The following MVB12A variants were observed in gnomAD, a reference collection of about 807,000 sequenced individuals.
The protein encoded by MVB12A is CIN85/CD2AP family binding protein.
Under a neutral mutation model 34.3 loss-of-function variants are expected in MVB12A, and 30 were observed. The ratio of observed to expected loss-of-function variants is 0.88; its 90% CI spans 0.65 to 1.19. MVB12A has a LOEUF of 1.19. MVB12A is among the 50% of genes most tolerant of loss of function. The pLI is 0.00. For synonymous variants in MVB12A, 158 were observed against 158.9 expected (o/e 0.99, Z 0.04); for missense variants, 355 against 369.2 (o/e 0.96, Z 0.31).
chr19:17,419,682 A>G (rs1054969592), upstream of MVB12A: 2 of 152,802 alleles, frequency 1.3e-5, no homozygotes, highest in South Asian at 4.1e-4. Flanking sequence ...TCCGCCTCCC[A>G]AAGTGCCGGG....
At chr19:17,421,179 AC>A (rs1305453313) in intron 3 of MVB12A, 2 of 241,024 alleles carry the variant, frequency 8.3e-6, no homozygotes, top group African/African-American at 7.0e-5. Context: ...GAGTTGGCAA[AC>A]CTTTTTTTTT....
At chr19:17,422,210 C>A in intron 3 of MVB12A, 122 bp from the exon 4 acceptor site, 1 of 834,214 alleles carries the variant, frequency 1.2e-6, no homozygotes, top group Non-Finnish European at 1.9e-6. Context: ...CACCCCCATC[C>A]CCAATGTTGT....
At chr19:17,423,460 C>G (rs755203882) in intron 4 of MVB12A, 38 bp from the exon 5 acceptor site, 4 of 1,602,424 alleles carry the variant, frequency 2.5e-6, no homozygotes, top group African/African-American at 2.7e-5. Context: ...TGGCCCCACA[C>G]CGGGCCAGCA....
rs373127253 is a variant in MVB12A, at chr19:17,410,497, CAT to C, written c.-5+4233_-5+4234del. Among the ~76,000 whole-genome samples, 186 of 77,604 alleles carry C rather than the reference CAT, an allele frequency of 2.4e-3. 4 individuals are homozygous for C. The highest frequency in any genetic ancestry group is 0.013 in the East Asian group (32 of 2,464). 50.9% of individuals were successfully genotyped at this position (77,604 alleles called of 152,430 possible). On this transcript the variant is annotated intron_variant, in intron 2 of 6. Transcript: ENST00000528604. ...GCTAGCATTCTTTTGGTTTTAGCTT[CAT>C]ATATATATATATATATATATATATA... is the stretch of plus-strand genomic sequence containing the variant.
chr19:17,425,204 C>G lies in MVB12A; in HGVS notation c.*211C>G, dbSNP rs895205501. On this transcript the variant is annotated 3_prime_UTR_variant, in exon 9 of 9. Coordinates refer to ENST00000317040, the MANE Select transcript of MVB12A (RefSeq NM_138401.4). ...CTGCGTGGTGATGGGGTCTCCGCCCCCACGCCCTGCCGGGCAGGGCTGGAG... is the reference window on the plus strand; with the variant it reads ...CTGCGTGGTGATGGGGTCTCCGCCCGCACGCCCTGCCGGGCAGGGCTGGAG... The G allele has an allele frequency of 1.1e-5, 6 of 528,958 alleles. No individual in the cohort carries two copies. The highest frequency in any genetic ancestry group is 2.0e-5 in the African/African-American group (1 of 50,872). The allele number at this position is 528,958 out of a possible 1,614,324, so 32.8% of individuals were successfully genotyped here.
chr19:17,419,035 T>C (rs1296448479), upstream of MVB12A: 4 of 152,174 alleles, frequency 2.6e-5, no homozygotes, highest in African/African-American at 9.7e-5. Flanking sequence ...TAGTCGACTT[T>C]AGATCATCAA....
chr19:17,408,784 T>C (rs1441951104), intron 2 of MVB12A, among the ~76,000 whole-genome samples: 2 of 150,322 alleles, frequency 1.3e-5, no homozygotes, highest in African/African-American at 4.9e-5. Flanking sequence ...ATAATGTATT[T>C]TTATATATTG....
rs200920197 is a variant in MVB12A at position 17,425,052 on chromosome 19, A to AC, written c.*66dup. Reference sequence around the variant, plus strand: ...TCCACCTCCCCGCCAGCCTGGGGCCACCCCCCCTCACTGCATCCTGGGGCC... The same window carrying AC: ...TCCACCTCCCCGCCAGCCTGGGGCCACCCCCCCCTCACTGCATCCTGGGGCC... On this transcript the variant is annotated 3_prime_UTR_variant, in exon 9 of 9. Coordinates refer to ENST00000317040, the MANE Select transcript of MVB12A (RefSeq NM_138401.4). 7.5e-6 allele frequency: 6 copies of AC among 805,008 alleles called. No homozygotes were observed. The highest frequency in any genetic ancestry group is 2.4e-5 in the Admixed American group (1 of 42,324). 49.9% of individuals were successfully genotyped at this position (805,008 alleles called of 1,614,324 possible).
upstream of MVB12A, chr19:17,415,501 T>A (rs2074793845): frequency 6.6e-6 from 1 of 151,286 alleles, no homozygotes; most frequent in Non-Finnish European, 1.5e-5. Context: ...CGGCACCTGG[T>A]TCCGTTGCTT....
chr19:17,424,161 C>T (rs2074856116), intron 7 of MVB12A, 94 bp downstream of exon 7: 5 of 1,271,046 alleles, frequency 3.9e-6, no homozygotes, highest in Non-Finnish European at 2.3e-6. Flanking sequence ...GCACAGAGGG[C>T]CACATCCTGG....
chr19:17,420,328 G>C lies in MVB12A; in HGVS notation c.106G>C (p.Glu36Gln). 2 of 1,612,292 alleles carry C rather than the reference G, an allele frequency of 1.2e-6. No individual in the cohort carries two copies. Residue 36 changes from glutamate (E) to glutamine (Q), a missense_variant, in exon 2 of 9, where the codon GAG (glutamate) becomes CAG (glutamine). Glu to Gln is a conservative substitution (Grantham distance 29). Coordinates refer to ENST00000317040, the MANE Select transcript of MVB12A (RefSeq NM_138401.4). ...RGFSAISCTV[E>Q]GAPASFGKSF... ...CTCCCGGTAGATCTCCTGCACCGTC[G>C]AGGGGGCACCCGCCAGCTTTGGCAA...
rs1389465030 is a variant in MVB12A, at chr19:17,423,519, C to G, written c.435C>G (p.Ile145Met). The change falls in exon 5 of 9, where the codon ATC becomes ATG. Residue 145 changes from isoleucine to methionine, a missense_variant. By Grantham distance (10) the Ile-to-Met change is conservative. Coordinates refer to ENST00000317040, the MANE Select transcript of MVB12A (RefSeq NM_138401.4). ...CCAGGGACATGGGCGGCTTTGCCAT[C>G]TGGTGCAAGAAGGCCAAGGCCCCGA... The part of the protein sequence containing the change: ...LRIGDMGGFA[I>M]WCKKAKAPRP... 3 of 1,613,322 alleles carry G rather than the reference C, an allele frequency of 1.9e-6. No homozygotes were observed. Among genetic ancestry groups the G allele is most frequent in the African/African-American group, 1.3e-5 (1 of 75,032 alleles).
At chr19:17,412,246 TTCTC>T (rs1225338087) in intron 2 of MVB12A, among the ~76,000 whole-genome samples, 6 of 152,250 alleles carry the variant, frequency 3.9e-5, no homozygotes, top group Non-Finnish European at 5.9e-5. Flanking sequence ...CTGCTTTTCT[TTCTC>T]TCTCTTTTGC....
upstream of MVB12A, chr19:17,418,244 A>C (rs1254947983): frequency 5.4e-6 from 1 of 186,614 alleles, no homozygotes; most frequent in Non-Finnish European, 1.2e-5. Context: ...AAAAACTATA[A>C]GCAGACATTT....
chr19:17,420,791 G>A, intron 3 of MVB12A, 157 bp downstream of exon 3: 1 of 638,894 alleles, frequency 1.6e-6, no homozygotes, highest in Non-Finnish European at 2.8e-6. Flanking sequence ...GCCCTAGGGT[G>A]GACCGACATC....
intron 2 of MVB12A, among the ~76,000 whole-genome samples, chr19:17,410,603 T>TAC (rs1247054564): frequency 4.3e-5 from 6 of 138,870 alleles, no homozygotes; most frequent in African/African-American, 8.4e-5. Context: ...CATATATATA[T>TAC]ACACATATAT....
At chr19:17,418,400 T>TTAC (rs1555735642), upstream of MVB12A, 1 of 146,478 alleles carries the variant, frequency 6.8e-6, no homozygotes, top group East Asian at 2.0e-4. Flanking sequence ...ATTATTATTA[T>TTAC]TATTATTATT....
chr19:17,412,088 G>A (rs1021258776), intron 2 of MVB12A, among the ~76,000 whole-genome samples: 1 of 152,138 alleles, frequency 6.6e-6, no homozygotes, highest in Non-Finnish European at 1.5e-5. Flanking sequence ...TGTACAGGAC[G>A]GCCCCCCACA....
chr19:17,413,957 T>G (rs986066951), intron 2 of MVB12A, among the ~76,000 whole-genome samples: 10 of 152,166 alleles, frequency 6.6e-5, no homozygotes, highest in African/African-American at 2.4e-4. Flanking sequence ...GGGATGCCTA[T>G]GTCCCAAGCT....
Sources: gnomAD v4.1 joint callset for allele counts (sites outside exome capture counted in the v4.1 genomes callset) on GRCh38, gnomAD v4.1.1 for gene constraint, MANE v1.5 for transcripts, NCBI Gene and HGNC (gene_info 2026-07-23, HGNC 2026-07-21) for gene names.